The following PTPRD variants were observed in gnomAD, a reference collection of about 807,000 sequenced individuals.
PTPRD encodes the protein protein tyrosine phosphatase receptor type D, also known as receptor-type tyrosine-protein phosphatase delta.
PTPRD carries 34 observed loss-of-function variants against 214.5 expected under a neutral mutation model. The observed-to-expected ratio is 0.16, with a 90% confidence interval of 0.12 to 0.21. The LOEUF is 0.21. PTPRD is among the 10% of genes least tolerant of loss of function. The pLI, the probability that PTPRD is intolerant of heterozygous loss-of-function variation, is 1.00. For synonymous variants in PTPRD, 1,128 were observed against 845.7 expected (o/e 1.33, Z -5.79); for missense variants, 2,545 against 2,398.7 (o/e 1.06, Z -1.27).
chr9:9,592,376 G>A (rs551863546), intron 7 of PTPRD, among the ~76,000 whole-genome samples: 41 of 152,084 alleles, frequency 2.7e-4, no homozygotes, highest in African/African-American at 6.5e-4. Context: ...ACACACTGTC[G>A]TTGTGTTTCT....
At chr9:9,636,598 G>A (rs1399448585) in intron 7 of PTPRD, among the ~76,000 whole-genome samples, 4 of 152,182 alleles carry the variant, frequency 2.6e-5, no homozygotes, top group Non-Finnish European at 4.4e-5. Context: ...CACTAAAGGA[G>A]AAACAGTCTT....
chr9:10,204,858 C>T (rs1231324963), intron 3 of PTPRD, among the ~76,000 whole-genome samples: 1 of 152,138 alleles, frequency 6.6e-6, no homozygotes, highest in Non-Finnish European at 1.5e-5. Flanking sequence ...GTAACAAATA[C>T]ATCCAGGTAC....
intron 4 of PTPRD, among the ~76,000 whole-genome samples, chr9:9,956,593 T>G (rs558805140): frequency 6.6e-6 from 1 of 152,148 alleles, no homozygotes; most frequent in African/African-American, 2.4e-5. Flanking sequence ...TTGTCACACA[T>G]TTAATCTAGT....
chr9:8,889,972 A>G (rs1056310854), intron 11 of PTPRD, among the ~76,000 whole-genome samples: 2 of 152,144 alleles, frequency 1.3e-5, no homozygotes, highest in Non-Finnish European at 2.9e-5. Context: ...CTGGGTAGAT[A>G]CCCAGTAGTG....
Position 10,332,925 on chromosome 9 carries a change from C to T in PTPRD, c.-545+8038G>A, listed in dbSNP as rs1431352616. ...GCTCTACTGATCACCTTTTAACATA[C>T]AATTGTAATATTTATTATGTATATA... On this transcript the variant is annotated intron_variant, in intron 3 of 45. Transcript: ENST00000381196. Among the ~76,000 whole-genome samples, 10 of 151,918 alleles carry T rather than the reference C, an allele frequency of 6.6e-5. No individual in the cohort carries two copies. In the East Asian group the frequency reaches 1.2e-3, roughly 18 times the overall value.
intron 3 of PTPRD, among the ~76,000 whole-genome samples, chr9:10,278,976 G>A (rs1296581450): frequency 3.9e-5 from 6 of 151,932 alleles, no homozygotes; most frequent in Non-Finnish European, 8.8e-5. Flanking sequence ...GGGCTTCACC[G>A]TGTTAGCCAG....
At chr9:10,300,597 G>A (rs749977191) in intron 3 of PTPRD, among the ~76,000 whole-genome samples, 2 of 152,180 alleles carry the variant, frequency 1.3e-5, no homozygotes, top group African/African-American at 2.4e-5. Context: ...GTCTGCCATT[G>A]CTGAGGCTTG....
chr9:9,061,596 A>T (rs968308825), intron 10 of PTPRD, among the ~76,000 whole-genome samples: 1 of 152,118 alleles, frequency 6.6e-6, no homozygotes. Flanking sequence ...GGCCAGTTTG[A>T]CTACCCCTAA....
intron 14 of PTPRD, among the ~76,000 whole-genome samples, chr9:8,587,136 C>T (rs1454695742): frequency 2.6e-5 from 4 of 151,996 alleles, no homozygotes; most frequent in African/African-American, 7.2e-5. Context: ...GGCGACAGAG[C>T]GAGACTCCAT....
At chr9:9,386,225 T>G (rs890921274) in intron 9 of PTPRD, among the ~76,000 whole-genome samples, 33 of 152,108 alleles carry the variant, frequency 2.2e-4, no homozygotes, top group African/African-American at 8.0e-4. Flanking sequence ...GTGACTGGAA[T>G]GAAGTATGTG....
intron 10 of PTPRD, among the ~76,000 whole-genome samples, chr9:9,019,332 GAAAGAACGAAAGAA>G (rs1569429825): frequency 1.1e-3 from 29 of 25,958 alleles, no homozygotes; most frequent in African/African-American, 2.8e-3. Context: ...AAGAAAGAAA[GAAAGAACGAAAGAA>G]AGAAAGAAAG....
intron 5 of PTPRD, among the ~76,000 whole-genome samples, chr9:9,794,828 G>C (rs2098991831): frequency 6.6e-6 from 1 of 152,176 alleles, no homozygotes; most frequent in Non-Finnish European, 1.5e-5. Flanking sequence ...AACCTGACTA[G>C]AATGGTGTTT....
chr9:9,214,803 AT>A (rs2099951083), intron 9 of PTPRD, among the ~76,000 whole-genome samples: 1 of 152,192 alleles, frequency 6.6e-6, no homozygotes, highest in Non-Finnish European at 1.5e-5. Flanking sequence ...ATATAAATAT[AT>A]TAACTCATGT....
intron 30 of PTPRD, among the ~76,000 whole-genome samples, chr9:8,478,441 A>G (rs1591547767): frequency 6.6e-6 from 1 of 152,302 alleles, no homozygotes; most frequent in Non-Finnish European, 1.5e-5. Context: ...CTTTATTTCA[A>G]TTTTTTATAA....
intron 12 of PTPRD, among the ~76,000 whole-genome samples, chr9:8,728,817 T>A (rs1342947731): frequency 6.6e-6 from 1 of 151,970 alleles, no homozygotes; most frequent in African/African-American, 2.4e-5. Flanking sequence ...CCGTATTTAT[T>A]AAAAACACAA....
chr9:8,731,076 C>T (rs947370956), intron 12 of PTPRD, among the ~76,000 whole-genome samples: 1 of 152,208 alleles, frequency 6.6e-6, no homozygotes, highest in African/African-American at 2.4e-5. Context: ...AATTTTCCAA[C>T]CTAGGTTTGA....
At chr9:9,941,056 A>G (rs992219009) in intron 4 of PTPRD, among the ~76,000 whole-genome samples, 1 of 152,112 alleles carries the variant, frequency 6.6e-6, no homozygotes, top group African/African-American at 2.4e-5. Context: ...AACACTAATG[A>G]CAGCTGATGA....
At chr9:8,847,186 G>A (rs1254906149) in intron 11 of PTPRD, among the ~76,000 whole-genome samples, 3 of 150,556 alleles carry the variant, frequency 2.0e-5, no homozygotes, top group Non-Finnish European at 4.4e-5. Context: ...TTTTTTTTTG[G>A]TACATATAAA....
At chr9:8,458,166 T>C (rs1021806021) in intron 33 of PTPRD, among the ~76,000 whole-genome samples, 2 of 152,184 alleles carry the variant, frequency 1.3e-5, no homozygotes, top group African/African-American at 4.8e-5. Flanking sequence ...ACTAAAATGC[T>C]ACTCTATTTT....
Sources: allele counts gnomAD v4.1 joint callset (sites outside exome capture counted in the v4.1 genomes callset), GRCh38; gene constraint gnomAD v4.1.1; transcripts MANE v1.5; gene names NCBI Gene and HGNC (gene_info 2026-07-23, HGNC 2026-07-21).